PCNX3: variants seen among roughly 807,000 people sequenced by gnomAD.
The protein encoded by PCNX3 is pecanex-like protein 3.
In PCNX3, 58 loss-of-function variants were observed where a neutral mutation model predicts 207.2. That is an observed-to-expected ratio of 0.28 (90% confidence interval 0.23 to 0.35). The LOEUF is 0.35. Among genes scored for constraint, PCNX3 ranks in the 10% least tolerant of loss-of-function variants. The pLI, the probability that PCNX3 is intolerant of heterozygous loss-of-function variation, is 1.00. For synonymous variants in PCNX3, 1,337 were observed against 1,183.5 expected, an observed-to-expected ratio of 1.13 and a Z score of -2.66; for missense variants, 2,410 against 2,774.4, an observed-to-expected ratio of 0.87 and a Z score of 2.95.
Position 65,619,677 on chromosome 11 carries a change from C to T in PCNX3, c.1829+17C>T. ...GCCGCCCAGGTGAGCACCTTGCCAG[C>T]TGTGCCGAGGGGCACCGGGGGCCGG... On this transcript the variant is annotated intron_variant, in intron 7 of 34. Coordinates refer to ENST00000355703, the MANE Select transcript of PCNX3 (RefSeq NM_032223.4). The T allele has an allele frequency of 6.3e-7, 1 of 1,588,676 alleles. No individual in the cohort carries two copies. Among genetic ancestry groups the T allele is most frequent in the Admixed American group, 1.7e-5 (1 of 58,286 alleles).
rs1415316619 is a variant in PCNX3, at chr11:65,637,280, C to T, written c.*302C>T. 2.7e-5 allele frequency: 12 copies of T among 445,016 alleles called. No individual in the cohort carries two copies. The highest frequency in any genetic ancestry group is 4.5e-5 in the Non-Finnish European group (11 of 245,350). The allele number at this position is 445,016 out of a possible 1,614,324, so 27.6% of individuals were successfully genotyped here. On this transcript the variant is annotated 3_prime_UTR_variant, in exon 35 of 35. Coordinates refer to ENST00000355703, the MANE Select transcript of PCNX3 (RefSeq NM_032223.4). ...GCCTGTGGCCAGGACCACCTCAGCC[C>T]CTGGGCCTGCACTGCCTGCAGGTGT...
chr11:65,619,384 T>C (rs932813231), intron 6 of PCNX3, 153 bp from the exon 7 acceptor site: 4 of 951,764 alleles, frequency 4.2e-6, no homozygotes, highest in East Asian at 1.2e-4. Flanking sequence ...GTAAGGAAAC[T>C]GAGCATGGGG....
At position 65,634,154 on chromosome 11, in the gene PCNX3, C is replaced by G. The variant is rs1014897996; in HGVS notation, c.4499C>G (p.Pro1500Arg). ...KSIIYYVSRS[P>R]KLEVWLSHEG... ...ATCATCTACTACGTGAGCCGCTCAC[C>G]AAAGCTGGAGGTGTGGCTCAGCCAT... Residue 1500 changes from proline to arginine, a missense_variant, in exon 28 of 35, where the codon CCA becomes CGA. Pro to Arg is a moderately radical substitution (Grantham distance 103). This residue lies in a region of PCNX3 where 420 missense variants were observed against 705.3 expected (regional missense o/e 0.60). Coordinates refer to ENST00000355703, the MANE Select transcript of PCNX3 (RefSeq NM_032223.4). 6.2e-7 allele frequency: 1 copy of G among 1,613,062 alleles called. No homozygotes were observed. The highest frequency in any genetic ancestry group is 8.5e-7 in the Non-Finnish European group (1 of 1,179,812).
intron 15 of PCNX3, 55 bp from the exon 16 acceptor site, chr11:65,624,870 T>C (rs1590885785): frequency 1.3e-6 from 2 of 1,525,408 alleles, no homozygotes; most frequent in Admixed American, 3.6e-5. Context: ...GCGGCTAGGG[T>C]TGAGGTGGGG....
chr11:65,623,339 C>T (rs983383318), intron 11 of PCNX3, among the ~76,000 whole-genome samples, 152 bp from the exon 12 acceptor site: 1 of 152,218 alleles, frequency 6.6e-6, no homozygotes, highest in Non-Finnish European at 1.5e-5. Flanking sequence ...GCCGCGTCGT[C>T]GCAAAGTTAT....
Position 65,636,664 on chromosome 11 carries a change from C to A in PCNX3, c.5867C>A (p.Pro1956His). 6.3e-7 allele frequency: 1 copy of A among 1,584,744 alleles called. No individual in the cohort carries two copies. The highest frequency in any genetic ancestry group is 8.6e-7 in the Non-Finnish European group (1 of 1,167,690). The stretch of plus-strand genomic sequence containing the variant: ...GACGGGGAGCCAGCCTCAGGGAGCC[C>A]CAAAGGAGGTACCCCCAAATCTCAG... ...GSDGEPASGS[P>H]KGGTPKSQAP... The change falls in exon 34 of 35, where the codon CCC becomes CAC. Residue 1956 changes from proline to histidine, a missense_variant. Pro to His is a moderately conservative substitution (Grantham distance 77, BLOSUM62 -2). Coordinates refer to ENST00000355703, the MANE Select transcript of PCNX3 (RefSeq NM_032223.4).
At position 65,635,948 on chromosome 11, in the gene PCNX3, T is replaced by C. The variant is rs1855815538; in HGVS notation, c.5459+145T>C. On this transcript the variant is annotated intron_variant, in intron 32 of 34. Coordinates refer to ENST00000355703, the MANE Select transcript of PCNX3 (RefSeq NM_032223.4). The surrounding 1 kb of genome is among the most constrained non-coding windows in gnomAD (Gnocchi z 9.9). ...CCTCCCAGAGCTGACCTGCCCCTCC[T>C]AGATGTCACCTTACCCCCAGAGCTG... 3 of 1,295,734 alleles carry C rather than the reference T, an allele frequency of 2.3e-6. No individual in the cohort carries two copies. Among genetic ancestry groups the C allele is most frequent in the Non-Finnish European group, 3.1e-6 (3 of 960,622 alleles). The allele number at this position is 1,295,734 out of a possible 1,614,324, so 80.3% of individuals were successfully genotyped here. A position where few individuals can be genotyped will look rare whatever the true frequency, so the allele number is the denominator to read the frequency against.
intron 27 of PCNX3, among the ~76,000 whole-genome samples, chr11:65,631,983 A>C (rs977278014): frequency 9.2e-5 from 14 of 152,026 alleles, no homozygotes; most frequent in Non-Finnish European, 1.8e-4. Context: ...CCCTTTCATC[A>C]AGAAGGAGGC....
At position 65,634,649 on chromosome 11, in the gene PCNX3, C is replaced by T; in HGVS notation, c.4805+8C>T. The T allele has an allele frequency of 6.4e-7, 1 of 1,573,762 alleles. No individual in the cohort carries two copies. The highest frequency in any genetic ancestry group is 2.3e-5 in the East Asian group (1 of 43,462). ...TCACAGCATGTCTGCAAGGTGAGTG[C>T]TCGGGTGTCCCGCGGGGCCTACTGC... On this transcript the variant is annotated splice_region_variant and intron_variant, in intron 29 of 34. Coordinates refer to ENST00000355703, the MANE Select transcript of PCNX3 (RefSeq NM_032223.4).
intron 29 of PCNX3, 131 bp downstream of exon 29, chr11:65,634,772 C>T: frequency 8.4e-7 from 1 of 1,184,794 alleles, no homozygotes; most frequent in Admixed American, 2.4e-5. Context: ...ACCTCTTCTC[C>T]CACGGGCAGG....
rs1292093185 is a variant in PCNX3 at position 65,635,917 on chromosome 11, T to C, written c.5459+114T>C. 2.1e-6 allele frequency: 3 copies of C among 1,405,680 alleles called. No individual in the cohort carries two copies. The highest frequency in any genetic ancestry group is 1.4e-5 in the African/African-American group (1 of 69,468). The allele number at this position is 1,405,680 out of a possible 1,614,324, so 87.1% of individuals were successfully genotyped here. ...GAGCCAGGGCTTGAATCCCGAGAGA[T>C]GACCCCCTCCCAGAGCTGACCTGCC... is the stretch of plus-strand genomic sequence containing the variant. On this transcript the variant is annotated intron_variant, in intron 32 of 34. Transcript: ENST00000355703. The surrounding 1 kb of genome is among the most constrained non-coding windows in gnomAD (Gnocchi z 9.9).
chr11:65,624,229 T>C lies in PCNX3; in HGVS notation c.2579T>C (p.Val860Ala). The C allele has an allele frequency of 1.9e-6, 3 of 1,608,202 alleles. No homozygotes were observed. Among genetic ancestry groups the C allele is most frequent in the Non-Finnish European group, 2.5e-6 (3 of 1,177,720 alleles). Reference protein sequence around the residue: ...HNWVIAYSRPVYFCICCLLIW... With the variant: ...HNWVIAYSRPAYFCICCLLIW... ...TGGGTGATCGCGTACAGCCGTCCTG[T>C]CTACTTCTGCATCTGCTGTCTGCTC... Residue 860 changes from valine to alanine, a missense_variant, in exon 14 of 35, where the codon GTC (valine) becomes GCC (alanine). Val to Ala is a moderately conservative substitution (Grantham distance 64). This residue lies in a region of PCNX3 where 177 missense variants were observed against 257.5 expected (regional missense o/e 0.69). Transcript: ENST00000355703.
rs1053883032 is a variant in PCNX3, at chr11:65,626,943, G to T, written c.3419G>T (p.Gly1140Val). The change falls in exon 21 of 35, where the codon GGC becomes GTC. Residue 1140 changes from glycine to valine, a missense_variant. This residue lies in a region of PCNX3 where 333 missense variants were observed against 386.8 expected (regional missense o/e 0.86). Coordinates refer to ENST00000355703, the MANE Select transcript of PCNX3 (RefSeq NM_032223.4). ...QVMWFEKLYA[G>V]LQCVEKYLIY... is the part of the protein sequence containing the mutation. ...ATGTGGTTTGAGAAGCTGTATGCTG[G>T]CCTGCAGTGCGTAGAGAAGTACCTC... 1.3e-6 allele frequency: 2 copies of T among 1,580,778 alleles called. No homozygotes were observed. The highest frequency in any genetic ancestry group is 1.7e-6 in the Non-Finnish European group (2 of 1,163,270).
In PCNX3 at chr11:65,634,140, C is replaced by T. The variant is rs756449311; in HGVS notation, c.4485C>T (p.Tyr1495=). Residue 1495 remains tyrosine, a synonymous_variant, in exon 28 of 35, where the codon TAC becomes TAT. Coordinates refer to ENST00000355703, the MANE Select transcript of PCNX3 (RefSeq NM_032223.4). The part of the protein sequence containing the change: ...ITYYVKSIIY[Y]VSRSPKLEVW... ...TCCTCTCCCAGAGCATCATCTACTA[C>T]GTGAGCCGCTCACCAAAGCTGGAGG... 50 of 1,612,112 alleles carry T rather than the reference C, an allele frequency of 3.1e-5. No individual in the cohort carries two copies. The highest frequency in any genetic ancestry group is 1.2e-4 in the African/African-American group (9 of 74,940).
At position 65,625,408 on chromosome 11, in the gene PCNX3, T is replaced by C. The variant is rs1476892014; in HGVS notation, c.3033T>C (p.Ser1011=). The change falls in exon 18 of 35, where the codon TCT becomes TCC. Residue 1011 remains serine (S), a synonymous_variant. Transcript: ENST00000355703. This position sits in a 1 kb window ranked among gnomAD's most constrained non-coding sequence, Gnocchi z 5.6. ...RQSSDPTVLW[S]LIRSKLFPEL... ...CCTGACTCTTCCTCACCCCCAGGTC[T>C]CTGATCCGGAGCAAGCTGTTCCCTG... 1.9e-6 allele frequency: 3 copies of C among 1,603,436 alleles called. No individual in the cohort carries two copies. The African/African-American group carries it at 4.0e-5, about 21-fold the overall frequency.
intron 11 of PCNX3, among the ~76,000 whole-genome samples, chr11:65,622,876 A>G (rs1282666882): frequency 6.6e-6 from 1 of 152,128 alleles, no homozygotes; most frequent in Admixed American, 6.5e-5. Flanking sequence ...TGCTGGGATT[A>G]CAGGCGTGAG....
Position 65,636,763 on chromosome 11 carries a change from CAGG to C in PCNX3, c.5893-2_5893del. The C allele has an allele frequency of 2.6e-6, 4 of 1,546,592 alleles. No homozygotes were observed. In the Admixed American group the frequency reaches 6.0e-5, roughly 23 times the overall value. On this transcript the variant is annotated splice_acceptor_variant and coding_sequence_variant, in exon 35 of 35. Coordinates refer to ENST00000355703, the MANE Select transcript of PCNX3 (RefSeq NM_032223.4). LOFTEE classifies it high-confidence loss of function. ...ACCCGCCAACCTCTCCCCCCTCCCC[CAGG>C]CGCCTCTAGACCTCAGCCTCAGCCT...
Position 65,627,334 on chromosome 11 carries a change from G to A in PCNX3, c.3525-71G>A, listed in dbSNP as rs568960751. The A allele has an allele frequency of 1.5e-4, 228 of 1,502,070 alleles. 1 individual carries two copies. The African/African-American group carries it at 2.5e-3, about 16-fold the overall frequency. 93.0% of individuals were successfully genotyped at this position (1,502,070 alleles called of 1,614,324 possible). A position where few individuals can be genotyped will look rare whatever the true frequency, so the allele number is the denominator to read the frequency against. Reference sequence around the variant, plus strand: ...GGGTTGCTCTCCGGCCAGAGTAGGCGAGGGATGGGACACCTATACCCACTG... The same window carrying A: ...GGGTTGCTCTCCGGCCAGAGTAGGCAAGGGATGGGACACCTATACCCACTG... On this transcript the variant is annotated intron_variant, in intron 21 of 34. Transcript: ENST00000355703.
rs76862454 is a variant in PCNX3, at chr11:65,619,350, G to A, written c.1706-187G>A. 2,671 of 815,254 alleles carry A rather than the reference G, an allele frequency of 3.3e-3. 60 individuals carry two copies. In the African/African-American group the frequency reaches 0.043, roughly 13 times the overall value. The allele number at this position is 815,254 out of a possible 1,614,324, so 50.5% of individuals were successfully genotyped here. ...ACCACCAGTGGGGTGGGGCAGGGCCGATCAGTGTCATCCTTGTTTGCAAGT... is the reference window on the plus strand; with the variant it reads ...ACCACCAGTGGGGTGGGGCAGGGCCAATCAGTGTCATCCTTGTTTGCAAGT... On this transcript the variant is annotated intron_variant, in intron 6 of 34. Coordinates refer to ENST00000355703, the MANE Select transcript of PCNX3 (RefSeq NM_032223.4).
Sources: gnomAD v4.1 joint callset for allele counts (sites outside exome capture counted in the v4.1 genomes callset) on GRCh38, gnomAD v4.1.1 for gene constraint, gnomAD v4.1.1 regional missense constraint, Gnocchi (gnomAD v3.1) non-coding constraint, MANE v1.5 for transcripts, NCBI Gene and HGNC (gene_info 2026-07-23, HGNC 2026-07-21) for gene names.